KRT17: variants seen among roughly 807,000 people sequenced by gnomAD.
KRT17 encodes keratin, type I cytoskeletal 17.
A neutral mutation model predicts 45.6 loss-of-function variants in KRT17; 29 were observed. The observed-to-expected ratio is 0.64, with a 90% CI of 0.47 to 0.87. KRT17 has a LOEUF of 0.87. KRT17 is among the 40% of genes least tolerant of loss of function. The probability of loss-of-function intolerance (pLI) is 0.00; values close to 1 mark genes in which losing one functional copy is unlikely to be tolerated. For synonymous variants in KRT17, 219 were observed against 234.6 expected, an observed-to-expected ratio of 0.93 and a Z score of 0.61; for missense variants, 536 against 577.8, an observed-to-expected ratio of 0.93 and a Z score of 0.74.
At position 41,624,519 on chromosome 17, in the gene KRT17, G is replaced by T. The variant is rs14253; in HGVS notation, c.-10C>A. On this transcript the variant is annotated 5_prime_UTR_variant, in exon 1 of 8. Coordinates refer to ENST00000311208, the MANE Select transcript of KRT17 (RefSeq NM_000422.3). ...GGATGGAGGTGGTCATGGTGGCGGC[G>T]GCAGGAGGCAGGCACACAGGAGAAG... 1.7e-5 allele frequency: 27 copies of T among 1,607,372 alleles called. No individual in the cohort carries two copies. The highest frequency in any genetic ancestry group is 4.0e-5 in the African/African-American group (3 of 74,808).
rs550772306 is a variant in KRT17 at position 41,621,786 on chromosome 17, C to T, written c.673-32G>A. ...AAAAAGGGGATGTGGATGTGCGCAT[C>T]TGGACCCATCCTGACCTCTCACTCC... is the stretch of plus-strand genomic sequence containing the variant. On this transcript the variant is annotated intron_variant, in intron 3 of 7. Transcript: ENST00000311208. 3.1e-6 allele frequency: 5 copies of T among 1,611,886 alleles called. No individual in the cohort carries two copies. The African/African-American group carries it at 5.3e-5, about 17-fold the overall frequency.
rs769429449 is a variant in KRT17, at chr17:41,621,802, C to G, written c.673-48G>C. 2.1e-5 allele frequency: 34 copies of G among 1,609,684 alleles called. No homozygotes were observed. The South Asian group carries it at 3.7e-4, about 18-fold the overall frequency. ...TGTGCGCATCTGGACCCATCCTGAC[C>G]TCTCACTCCCAAGCCTTCCCCCACA... On this transcript the variant is annotated intron_variant, in intron 3 of 7. Coordinates refer to ENST00000311208, the MANE Select transcript of KRT17 (RefSeq NM_000422.3).
intron 7 of KRT17, 48 bp downstream of exon 7, chr17:41,620,488 C>T (rs368104564): frequency 3.0e-5 from 48 of 1,611,716 alleles, no homozygotes; most frequent in Non-Finnish European, 3.3e-5. Context: ...GGTGGGCTGC[C>T]TGTCCCATGC....
chr17:41,619,815 G>A (rs139658992), intron 7 of KRT17, 127 bp from the exon 8 acceptor site: 10 of 1,559,144 alleles, frequency 6.4e-6, no homozygotes, highest in Middle Eastern at 2.3e-4. Context: ...GCCTCCACTG[G>A]CACCTCGACA....
chr17:41,621,448 T>C, intron 4 of KRT17, 145 bp downstream of exon 4: 1 of 977,986 alleles, frequency 1.0e-6, no homozygotes, highest in East Asian at 2.6e-5. Context: ...GCTCCATGTC[T>C]GTTGATGCAG....
At chr17:41,620,202 C>T in intron 7 of KRT17, 1 of 985,372 alleles carries the variant, frequency 1.0e-6, no homozygotes, top group Non-Finnish European at 1.2e-6. Context: ...ACTGTTTTTG[C>T]TCATCCAAAA....
rs750368376 is a variant in KRT17 at position 41,620,524 on chromosome 17, G to A, written c.1204+12C>T. On this transcript the variant is annotated intron_variant, in intron 7 of 7. Transcript: ENST00000311208. ...ACCCAACCCCCAGGGCCGAAGCCACGCAGATACTTACGTTCTTTCTTGTAC... is the reference window on the plus strand; with the variant it reads ...ACCCAACCCCCAGGGCCGAAGCCACACAGATACTTACGTTCTTTCTTGTAC... 42 of 1,611,558 alleles carry A rather than the reference G, an allele frequency of 2.6e-5. No homozygotes were observed. Among genetic ancestry groups the A allele is most frequent in the Admixed American group, 3.3e-5 (2 of 59,976 alleles).
In KRT17 at chr17:41,622,977, C is replaced by A. The variant is rs759605871; in HGVS notation, c.488G>T (p.Arg163Leu). The change falls in exon 2 of 8, where the codon CGT becomes CTT. Residue 163 changes from arginine to leucine, a missense_variant. Physicochemically the swap from Arg to Leu is moderately radical, Grantham distance 102. Transcript: ENST00000311208. ...ANILLQIDNA[R>L]LAADDFRTKF... ...GGTGCGGAAGTCATCAGCAGCCAGA[C>A]GGGCATTGTCAATCTGTAGCAGGAT... 2 of 1,613,084 alleles carry A rather than the reference C, an allele frequency of 1.2e-6. No homozygotes were observed. The highest frequency in any genetic ancestry group is 2.7e-5 in the African/African-American group (2 of 75,042).
intron 1 of KRT17, 107 bp downstream of exon 1, chr17:41,623,971 C>G: frequency 6.5e-7 from 1 of 1,536,324 alleles, no homozygotes; most frequent in Non-Finnish European, 9.0e-7. Flanking sequence ...CCAAACCACC[C>G]TTGGCTCCCT....
intron 1 of KRT17, among the ~76,000 whole-genome samples, 169 bp downstream of exon 1, chr17:41,623,909 G>A (rs4420583): frequency 1.3e-5 from 2 of 152,240 alleles, no homozygotes; most frequent in African/African-American, 4.8e-5. Context: ...AGAAAAGGGG[G>A]ATGTGAGCCA....
Position 41,622,664 on chromosome 17 carries a change from G to A in KRT17, c.516-153C>T, listed in dbSNP as rs138638165. On this transcript the variant is annotated intron_variant, in intron 2 of 7. Coordinates refer to ENST00000311208, the MANE Select transcript of KRT17 (RefSeq NM_000422.3). Reference sequence around the variant, plus strand: ...AAACGAATTCCAGCCCCGGGACCCCGGGACCATCACAGGGCCAGATCCCAC... The same window carrying A: ...AAACGAATTCCAGCCCCGGGACCCCAGGACCATCACAGGGCCAGATCCCAC... Among the ~76,000 whole-genome samples the A allele has an allele frequency of 6.0e-3, 921 of 152,272 alleles. 7 individuals are homozygous for A. The highest frequency in any genetic ancestry group is 0.021 in the African/African-American group (875 of 41,550).
chr17:41,622,969 C>G lies in KRT17; in HGVS notation c.496G>C (p.Ala166Pro). 1 of 1,612,924 alleles carries G rather than the reference C, an allele frequency of 6.2e-7. No individual in the cohort carries two copies. Among genetic ancestry groups the G allele is most frequent in the South Asian group, 1.1e-5 (1 of 91,034 alleles). The change falls in exon 2 of 8, where the codon GCT (alanine) becomes CCT (proline). Residue 166 changes from alanine to proline, a missense_variant. By Grantham distance (27) the Ala-to-Pro change is conservative. Transcript: ENST00000311208. Reference sequence around the variant, plus strand: ...ACTCACTTGGTGCGGAAGTCATCAGCAGCCAGACGGGCATTGTCAATCTGT... The same window carrying G: ...ACTCACTTGGTGCGGAAGTCATCAGGAGCCAGACGGGCATTGTCAATCTGT... Reference protein sequence around the residue: ...LLQIDNARLAADDFRTKFETE... With the variant: ...LLQIDNARLAPDDFRTKFETE...
chr17:41,622,557 A>G, intron 2 of KRT17, 46 bp from the exon 3 acceptor site: 1 of 1,609,544 alleles, frequency 6.2e-7, no homozygotes. Context: ...TTGGACCTGC[A>G]GATCCAGGTC....
chr17:41,621,086 CTCTG>C lies in KRT17; in HGVS notation c.836_839del (p.Thr279ArgfsTer3). 6.8e-6 allele frequency: 11 copies of C among 1,613,894 alleles called. No homozygotes were observed. In the South Asian group the frequency reaches 1.2e-4, roughly 18 times the overall value. On this transcript the variant is annotated frameshift_variant and splice_region_variant, in exon 5 of 8. Coordinates refer to ENST00000311208, the MANE Select transcript of KRT17 (RefSeq NM_000422.3). LOFTEE classifies it high-confidence loss of function. ...TGGTGGCCACCTCGCGGTTCAGTTC[CTCTG>C]TCTGCAGACAGGACACAGGACAGGG...
chr17:41,623,902 A>G (rs779528917), intron 1 of KRT17, among the ~76,000 whole-genome samples, 176 bp downstream of exon 1: 39 of 152,310 alleles, frequency 2.6e-4, no homozygotes, highest in Non-Finnish European at 3.1e-4. Flanking sequence ...TGTCCCCAGA[A>G]AAGGGGGATG....
intron 5 of KRT17, 42 bp downstream of exon 5, chr17:41,620,924 G>T: frequency 6.2e-7 from 1 of 1,614,058 alleles, no homozygotes. Flanking sequence ...GATGGTCAAT[G>T]CCCTCTTCTG....
intron 1 of KRT17, chr17:41,623,257 G>T (rs112457973): frequency 7.8e-6 from 4 of 513,386 alleles, no homozygotes; most frequent in African/African-American, 7.8e-5. Context: ...TGGCAGGCTC[G>T]GCCTTAAAGG....
At chr17:41,619,872 C>T (rs1908480194) in intron 7 of KRT17, 184 bp from the exon 8 acceptor site, 2 of 985,432 alleles carry the variant, frequency 2.0e-6, no homozygotes, top group South Asian at 4.7e-5. Flanking sequence ...ACCTCCCTTC[C>T]ATCCCATCCC....
chr17:41,622,287 A>G lies in KRT17; in HGVS notation c.672+68T>C, dbSNP rs377260103. ...TCTGCTCTCTCCCACGGCCTCAGCC[A>G]TTGCCCAGCCCCAGGGCTCTGCCAC... On this transcript the variant is annotated intron_variant, in intron 3 of 7. Coordinates refer to ENST00000311208, the MANE Select transcript of KRT17 (RefSeq NM_000422.3). The G allele has an allele frequency of 2.4e-5, 39 of 1,602,642 alleles. No homozygotes were observed. In the South Asian group the frequency reaches 3.5e-4, roughly 14 times the overall value.
Sources: gnomAD v4.1 joint callset for allele counts (sites outside exome capture counted in the v4.1 genomes callset) on GRCh38, gnomAD v4.1.1 for gene constraint, MANE v1.5 for transcripts, NCBI Gene and HGNC (gene_info 2026-07-23, HGNC 2026-07-21) for gene names.